The following DHRS12 variants were observed in gnomAD, a reference collection of about 807,000 sequenced individuals.
The protein encoded by DHRS12 is dehydrogenase/reductase SDR family member 12.
DHRS12 carries 29 observed loss-of-function variants against 32.1 expected under a neutral mutation model. That is an observed-to-expected ratio of 0.90 (90% CI 0.67 to 1.23). The LOEUF (loss-of-function observed/expected upper bound fraction) is 1.23. Among genes scored for constraint, DHRS12 ranks in the 50% most tolerant of loss-of-function variants. The pLI, the probability that DHRS12 is intolerant of heterozygous loss-of-function variation, is 0.00. For synonymous variants in DHRS12, 150 were observed against 135.9 expected (o/e 1.10, Z -0.72); for missense variants, 330 against 337.2 (o/e 0.98, Z 0.17).
chr13:51,762,518 GTGTT>G, the DHRS12 span: 1 of 152,228 alleles, frequency 6.6e-6, no homozygotes, highest in African/African-American at 2.4e-5. Flanking sequence ...AACCAACTGT[GTGTT>G]TGTAATACTG....
chr13:51,781,875 T>C (rs1954727321), intron 4 of DHRS12, among the ~76,000 whole-genome samples: 2 of 152,180 alleles, frequency 1.3e-5, no homozygotes, highest in South Asian at 2.1e-4. Context: ...GTCAGCCTTA[T>C]GGAGGAAGCC....
Position 51,794,836 on chromosome 13 carries a change from G to A in DHRS12, c.127-3579C>T, listed in dbSNP as rs59882889. Among the ~76,000 whole-genome samples, 14 of 150,720 alleles carry A rather than the reference G, an allele frequency of 9.3e-5. No individual in the cohort carries two copies. In the East Asian group the frequency reaches 2.5e-3, roughly 27 times the overall value. ...TTACCCATGGAGATAACTGCTAGAC[G>A]AAAGTCTGGAGCCAGGTACTAAGGT... On this transcript the variant is annotated intron_variant, in intron 2 of 8. Transcript: ENST00000444610.
intron 6 of DHRS12, among the ~76,000 whole-genome samples, chr13:51,773,225 T>A (rs899294194): frequency 1.4e-4 from 21 of 152,228 alleles, no homozygotes; most frequent in African/African-American, 4.3e-4. Context: ...CATAACGAGA[T>A]ATCTTGGGGA....
chr13:51,772,110 AG>A (rs1566275879), intron 6 of DHRS12, among the ~76,000 whole-genome samples, 199 bp from the exon 7 acceptor site: 1 of 152,124 alleles, frequency 6.6e-6, no homozygotes. Flanking sequence ...CCCACTCCAA[AG>A]GAGGCCAGAA....
At chr13:51,787,924 TA>T (rs869185626) in intron 4 of DHRS12, among the ~76,000 whole-genome samples, 3 of 18,216 alleles carry the variant, frequency 1.6e-4, no homozygotes, top group Non-Finnish European at 4.6e-4. Flanking sequence ...TTATATATAA[TA>T]TATACTTATA....
At chr13:51,764,350 C>T (rs927088792), downstream of DHRS12, 3 of 152,186 alleles carry the variant, frequency 2.0e-5, no homozygotes, top group African/African-American at 7.3e-5. Context: ...GCAGGAGGGG[C>T]TTCACAGAGG....
intron 4 of DHRS12, among the ~76,000 whole-genome samples, chr13:51,780,652 A>C (rs1401668117): frequency 6.6e-6 from 1 of 152,194 alleles, no homozygotes; most frequent in Non-Finnish European, 1.5e-5. Context: ...CTTTTATTAC[A>C]TGGGTACATG....
chr13:51,777,220 CCCA>C, intron 4 of DHRS12, 99 bp from the exon 5 acceptor site: 1 of 1,401,662 alleles, frequency 7.1e-7, no homozygotes, highest in Admixed American at 1.7e-5. Context: ...GCACCCGCCC[CCCA>C]CAAGAGGGCA....
At chr13:51,779,635 G>A (rs9596576) in intron 4 of DHRS12, among the ~76,000 whole-genome samples, 61 of 152,340 alleles carry the variant, frequency 4.0e-4, no homozygotes, top group African/African-American at 1.4e-3. Flanking sequence ...AACAGTCCCA[G>A]AGAAGCAGAA....
the DHRS12 span, chr13:51,756,382 G>T: frequency 6.2e-7 from 1 of 1,614,130 alleles, no homozygotes; most frequent in Non-Finnish European, 8.5e-7. Flanking sequence ...GCAGCTCCAA[G>T]CGCTCCTCCA....
In DHRS12 at chr13:51,796,144, G is replaced by A. The variant is rs528569666; in HGVS notation, c.126+3390C>T. On this transcript the variant is annotated intron_variant, in intron 2 of 8. Transcript: ENST00000444610. ...TTTGCCCAAGCTCACAGGCCAGAAA[G>A]TGCAAAACCAGGACTCGTATCAGAG... is the stretch of plus-strand genomic sequence containing the variant. Among the ~76,000 whole-genome samples, 5 of 152,316 alleles carry A rather than the reference G, an allele frequency of 3.3e-5. No individual in the cohort carries two copies. In the South Asian group the frequency reaches 8.3e-4, roughly 25 times the overall value.
In DHRS12 at chr13:51,789,534, T is replaced by C. The variant is rs1358355678; in HGVS notation, c.301+477A>G. On this transcript the variant is annotated intron_variant, in intron 4 of 8. Transcript: ENST00000444610. ...GAGGCTGCTGGTCTGGGAACCCCAC[T>C]TGGAGAGCCACTGGCCTGATATAAA... 12 of 985,296 alleles carry C rather than the reference T, an allele frequency of 1.2e-5. No homozygotes were observed. In the Admixed American group the frequency reaches 6.8e-4, roughly 56 times the overall value. The allele number at this position is 985,296 out of a possible 1,614,324, so 61.0% of individuals were successfully genotyped here. A position where few individuals can be genotyped will look rare whatever the true frequency, so the allele number is the denominator to read the frequency against.
chr13:51,780,819 C>A (rs1954670148), intron 4 of DHRS12, among the ~76,000 whole-genome samples: 1 of 152,162 alleles, frequency 6.6e-6, no homozygotes, highest in African/African-American at 2.4e-5. Context: ...AATTATATAT[C>A]TTGAGTATGA....
the DHRS12 span, chr13:51,760,058 G>T: frequency 6.4e-6 from 2 of 314,056 alleles, no homozygotes; most frequent in Non-Finnish European, 1.2e-5. Context: ...ATCTGTGTGG[G>T]GTGTTTAATT....
intron 1 of DHRS12, chr13:51,803,762 T>C: frequency 3.6e-6 from 1 of 279,082 alleles, no homozygotes; most frequent in Non-Finnish European, 6.6e-6. Context: ...AGAGGCTCCT[T>C]GGCGCCGGGG....
At chr13:51,785,203 G>C (rs561223211) in intron 4 of DHRS12, among the ~76,000 whole-genome samples, 1 of 152,242 alleles carries the variant, frequency 6.6e-6, no homozygotes, top group East Asian at 1.9e-4. Context: ...ACTCCAGCCT[G>C]GGTGACAGAG....
chr13:51,803,932 C>T, intron 1 of DHRS12, 122 bp downstream of exon 1: 1 of 955,620 alleles, frequency 1.0e-6, no homozygotes, highest in Non-Finnish European at 1.4e-6. Flanking sequence ...GTTCTGGACA[C>T]GCTTAGTCGG....
chr13:51,793,837 T>C (rs540725458), intron 2 of DHRS12, among the ~76,000 whole-genome samples: 3 of 152,138 alleles, frequency 2.0e-5, no homozygotes, highest in Non-Finnish European at 2.9e-5. Context: ...AAAATCCAGG[T>C]TAAAACAGCA....
At chr13:51,787,525 G>A (rs762339581) in intron 4 of DHRS12, among the ~76,000 whole-genome samples, 1 of 151,522 alleles carries the variant, frequency 6.6e-6, no homozygotes, top group Non-Finnish European at 1.5e-5. Context: ...GGTAATGAGC[G>A]TGGGTCGTGG....
Sources: allele counts gnomAD v4.1 joint callset (sites outside exome capture counted in the v4.1 genomes callset), GRCh38; gene constraint gnomAD v4.1.1; transcripts MANE v1.5; gene names NCBI Gene and HGNC (gene_info 2026-07-23, HGNC 2026-07-21).